RC3H1: variants seen among roughly 807,000 people sequenced by gnomAD.
RC3H1 encodes the protein roquin-1.
A neutral mutation model predicts 138.2 loss-of-function variants in RC3H1; 50 were observed. The observed-to-expected ratio is 0.36, with a 90% confidence interval of 0.29 to 0.46. The LOEUF is 0.46. Among genes scored for constraint, RC3H1 ranks in the 20% least tolerant of loss-of-function variants. RC3H1 has a pLI of 1.00. For missense variants in RC3H1, 1,031 were observed against 1,388.1 expected (o/e 0.74, Z 4.09); for synonymous variants, 462 against 489.1 (o/e 0.94, Z 0.73).
intron 1 of RC3H1, among the ~76,000 whole-genome samples, chr1:174,017,505 G>A (rs921212460): frequency 2.6e-5 from 4 of 151,986 alleles, no homozygotes; most frequent in African/African-American, 9.7e-5. Flanking sequence ...ACTCTTCCTC[G>A]ATGTTGGCTC....
chr1:173,939,111 T>C (rs1268478892), intron 19 of RC3H1, among the ~76,000 whole-genome samples: 1 of 152,122 alleles, frequency 6.6e-6, no homozygotes, highest in African/African-American at 2.4e-5. Flanking sequence ...GCCTGGTCAT[T>C]TGTTTAACGT....
intron 14 of RC3H1, among the ~76,000 whole-genome samples, chr1:173,951,008 G>A (rs1445374901): frequency 6.6e-6 from 1 of 151,320 alleles, no homozygotes; most frequent in Non-Finnish European, 1.5e-5. Context: ...GGGTGACAAA[G>A]ATCGATCCTA....
chr1:174,013,527 C>T (rs1203263907), intron 1 of RC3H1, among the ~76,000 whole-genome samples: 1 of 151,846 alleles, frequency 6.6e-6, no homozygotes, highest in Non-Finnish European at 1.5e-5. Flanking sequence ...CTGCAACCTC[C>T]GCCGCCTGGG....
intron 18 of RC3H1, among the ~76,000 whole-genome samples, chr1:173,942,068 G>A (rs769960151): frequency 2.0e-5 from 3 of 151,340 alleles, no homozygotes; most frequent in African/African-American, 4.9e-5. Flanking sequence ...GCGAAACCCC[G>A]TCTCTACTAA....
intron 13 of RC3H1, among the ~76,000 whole-genome samples, chr1:173,955,132 G>A (rs192497018): frequency 0.012 from 1,775 of 149,278 alleles, 46 homozygotes; most frequent in African/African-American, 0.042. Flanking sequence ...AGGCTGAGGC[G>A]GGAGAATCGC....
intron 1 of RC3H1, among the ~76,000 whole-genome samples, chr1:173,993,943 C>G (rs887840596): frequency 1.4e-5 from 2 of 146,760 alleles, no homozygotes; most frequent in Admixed American, 6.8e-5. Flanking sequence ...TCGCTTAAAC[C>G]CGGGAGGCGG....
intron 3 of RC3H1, among the ~76,000 whole-genome samples, chr1:173,984,205 C>T (rs981463001): frequency 1.3e-5 from 2 of 152,162 alleles, no homozygotes; most frequent in Admixed American, 1.3e-4. Flanking sequence ...AATAATGTTT[C>T]CATCATCACA....
In RC3H1 at chr1:173,932,052, A is replaced by G. The variant is rs914900285; in HGVS notation, c.*6669T>C. ...AGAGCAGGAGTATAAATTCTATCCA[A>G]AAGTGTAAGTGATTTCACTTACAAC... On this transcript the variant is annotated 3_prime_UTR_variant, in exon 20 of 20. Coordinates refer to ENST00000367696, the MANE Select transcript of RC3H1 (RefSeq NM_172071.4). 1.3e-5 allele frequency: 2 copies of G among 152,058 alleles called. No homozygotes were observed. Among genetic ancestry groups the G allele is most frequent in the Non-Finnish European group, 2.9e-5 (2 of 67,970 alleles). 9.4% of individuals were successfully genotyped at this position (152,058 alleles called of 1,614,324 possible). A position where few individuals can be genotyped will look rare whatever the true frequency, so the allele number is the denominator to read the frequency against.
At chr1:174,021,236 C>A (rs1342803685) in intron 1 of RC3H1, among the ~76,000 whole-genome samples, 2 of 152,112 alleles carry the variant, frequency 1.3e-5, no homozygotes, top group Admixed American at 6.6e-5. Flanking sequence ...AATAAAAGTC[C>A]TCTTTAAACA....
intron 16 of RC3H1, 53 bp from the exon 17 acceptor site, chr1:173,946,661 A>C (rs775695340): frequency 1.9e-6 from 3 of 1,605,618 alleles, no homozygotes; most frequent in East Asian, 4.5e-5. Flanking sequence ...TTTTGTTAAC[A>C]TATTACTGAC....
intron 13 of RC3H1, among the ~76,000 whole-genome samples, chr1:173,956,208 CCAGT>C (rs1212987851): frequency 6.6e-6 from 1 of 151,688 alleles, no homozygotes; most frequent in Non-Finnish European, 1.5e-5. Context: ...TACCTACCTA[CCAGT>C]CAAAGGGTGA....
intron 13 of RC3H1, among the ~76,000 whole-genome samples, chr1:173,955,657 A>AATGTTGTAGATACAAAAAGCAAGGACAAC (rs1659612687): frequency 6.6e-6 from 1 of 152,086 alleles, no homozygotes; most frequent in Non-Finnish European, 1.5e-5. Flanking sequence ...CTATGTCAAC[A>AATGTTGTAGATACAAAAAGCAAGGACAAC]ATGTTGTAGA....
At chr1:174,005,448 T>G (rs1249359930) in intron 1 of RC3H1, among the ~76,000 whole-genome samples, 1 of 152,250 alleles carries the variant, frequency 6.6e-6, no homozygotes, top group Non-Finnish European at 1.5e-5. Flanking sequence ...AAGATAGTTT[T>G]ACATATATAA....
chr1:173,997,429 T>G (rs1661482867), intron 1 of RC3H1, among the ~76,000 whole-genome samples: 1 of 152,194 alleles, frequency 6.6e-6, no homozygotes. Context: ...AATCTTCTTT[T>G]ACACATTTAG....
intron 1 of RC3H1, among the ~76,000 whole-genome samples, chr1:174,017,165 T>C (rs899632981): frequency 2.6e-5 from 4 of 152,248 alleles, no homozygotes; most frequent in African/African-American, 9.6e-5. Flanking sequence ...TTGTGAATAT[T>C]CCTAGTTTCT....
At position 173,933,710 on chromosome 1, in the gene RC3H1, T is replaced by C. The variant is rs1658473392; in HGVS notation, c.*5011A>G. The C allele has an allele frequency of 6.6e-6, 1 of 152,144 alleles. No homozygotes were observed. Among genetic ancestry groups the C allele is most frequent in the South Asian group, 2.1e-4 (1 of 4,830 alleles). 9.4% of individuals were successfully genotyped at this position (152,144 alleles called of 1,614,324 possible). ...AAGCAACAAATAAATATAAAAATCA[T>C]AGCTGTCCAAGGTAGAAAGGTATGA... On this transcript the variant is annotated 3_prime_UTR_variant, in exon 20 of 20. Transcript: ENST00000367696.
Position 173,959,391 on chromosome 1 carries a change from G to A in RC3H1, c.2370+1686C>T, listed in dbSNP as rs116003749. 4.6e-3 allele frequency among the ~76,000 whole-genome samples: 698 copies of A among 152,218 alleles called. 8 individuals carry two copies. Among genetic ancestry groups the A allele is most frequent in the African/African-American group, 0.015 (641 of 41,528 alleles). ...CGAGGAATAAAATTCAATGTAAGAC[G>A]CGCAAGACACTGAAGTATGAAGTAT... On this transcript the variant is annotated intron_variant, in intron 13 of 19. Transcript: ENST00000367696.
rs1490415408 is a variant in RC3H1, at chr1:173,935,236, T to C, written c.*3485A>G. 3 of 152,160 alleles carry C rather than the reference T, an allele frequency of 2.0e-5. No individual in the cohort carries two copies. Among genetic ancestry groups the C allele is most frequent in the Admixed American group, 1.3e-4 (2 of 15,264 alleles). 9.4% of individuals were successfully genotyped at this position (152,160 alleles called of 1,614,324 possible). On this transcript the variant is annotated 3_prime_UTR_variant, in exon 20 of 20. Transcript: ENST00000367696. ...GGACTTATCTTATGACAAAATTATA[T>C]ATAAATTAGGCAAAAGAGCTACATA...
intron 18 of RC3H1, 97 bp downstream of exon 18, chr1:173,943,345 G>C: frequency 8.6e-7 from 1 of 1,161,828 alleles, no homozygotes; most frequent in Non-Finnish European, 1.2e-6. Flanking sequence ...ACTCATCAGA[G>C]TGCCTTGAAG....
Sources: gnomAD v4.1 joint callset for allele counts (sites outside exome capture counted in the v4.1 genomes callset) on GRCh38, gnomAD v4.1.1 for gene constraint, MANE v1.5 for transcripts, NCBI Gene and HGNC (gene_info 2026-07-23, HGNC 2026-07-21) for gene names.